Variants in SESN3 observed in about 807,000 individuals in gnomAD.
The protein encoded by SESN3 is sestrin-3.
Under a neutral mutation model 55.3 loss-of-function variants are expected in SESN3, and 21 were observed. The ratio of observed to expected loss-of-function variants is 0.38; its 90% CI spans 0.27 to 0.55. The LOEUF (loss-of-function observed/expected upper bound fraction) is 0.55. Among genes scored for constraint, SESN3 ranks in the 20% least tolerant of loss-of-function variants. The pLI, the probability that SESN3 is intolerant of heterozygous loss-of-function variation, is 0.76. For missense variants in SESN3, 408 were observed against 604.3 expected, an observed-to-expected ratio of 0.68 and a Z score of 3.41; for synonymous variants, 181 against 203.1, an observed-to-expected ratio of 0.89 and a Z score of 0.93.
intron 1 of SESN3, among the ~76,000 whole-genome samples, chr11:95,213,124 A>G (rs1054478751): frequency 1.3e-5 from 2 of 150,772 alleles, no homozygotes; most frequent in Non-Finnish European, 1.5e-5. Context: ...AAATGAAAAC[A>G]AAAATCTTCA....
intron 9 of SESN3, 60 bp downstream of exon 9, chr11:95,175,438 C>A: frequency 1.5e-6 from 2 of 1,367,986 alleles, no homozygotes; most frequent in Non-Finnish European, 1.0e-6. Context: ...TTTTTCATAA[C>A]TATTACTTCT....
chr11:95,191,304 T>C (rs1860263579), intron 3 of SESN3, 100 bp downstream of exon 3: 4 of 883,838 alleles, frequency 4.5e-6, no homozygotes, highest in Non-Finnish European at 7.4e-6. Context: ...CCATAAATTA[T>C]ACTTAGCTCT....
Position 95,173,032 on chromosome 11 carries a change from C to T in SESN3, c.*223G>A, listed in dbSNP as rs1859880739. The T allele has an allele frequency of 1.4e-5, 6 of 427,558 alleles. No individual in the cohort carries two copies. The highest frequency in any genetic ancestry group is 6.9e-5 in the Admixed American group (2 of 28,914). The allele number at this position is 427,558 out of a possible 1,614,324, so 26.5% of individuals were successfully genotyped here. ...CAACTACAAACAATGCAAAGTAGTG[C>T]TCCTCAGTATTATTTTTGCAATTGT... On this transcript the variant is annotated 3_prime_UTR_variant, in exon 10 of 10. Coordinates refer to ENST00000536441, the MANE Select transcript of SESN3 (RefSeq NM_144665.4).
In SESN3 at chr11:95,166,262, C is replaced by T. The variant is rs1565458205; in HGVS notation, c.*6993G>A. ...CTTACATTAGTCCAGTCACGTGCTT[C>T]GTAAAAAAAAAAAAAAAATTACAGT... is the stretch of plus-strand genomic sequence containing the variant. On this transcript the variant is annotated 3_prime_UTR_variant, in exon 10 of 10. Coordinates refer to ENST00000536441, the MANE Select transcript of SESN3 (RefSeq NM_144665.4). 1.5e-5 allele frequency: 2 copies of T among 132,058 alleles called. No individual in the cohort carries two copies. Among genetic ancestry groups the T allele is most frequent in the African/African-American group, 2.6e-5 (1 of 37,904 alleles). 8.2% of individuals were successfully genotyped at this position (132,058 alleles called of 1,614,324 possible).
At chr11:95,222,124 T>C (rs1860869063) in intron 1 of SESN3, among the ~76,000 whole-genome samples, 1 of 152,174 alleles carries the variant, frequency 6.6e-6, no homozygotes. Context: ...CCATCCCTTA[T>C]AAAACACTAA....
At position 95,185,292 on chromosome 11, in the gene SESN3, G is replaced by A. The variant is rs1860142648; in HGVS notation, c.726C>T (p.Asn242=). 1 of 1,612,236 alleles carries A rather than the reference G, an allele frequency of 6.2e-7. No individual in the cohort carries two copies. Among genetic ancestry groups the A allele is most frequent in the African/African-American group, 1.3e-5 (1 of 74,820 alleles). The part of the protein sequence containing the change: ...FCVCDLANDN[N]IENASLSGSN... ...TGCCTGAAAGAGATGCATTCTCTATGTTGTTGTCATTAGCAAGATCACAAA... is the reference window on the plus strand; with the variant it reads ...TGCCTGAAAGAGATGCATTCTCTATATTGTTGTCATTAGCAAGATCACAAA... Residue 242 remains asparagine (N), a synonymous_variant, in exon 5 of 10, where the codon AAC becomes AAT. Coordinates refer to ENST00000536441, the MANE Select transcript of SESN3 (RefSeq NM_144665.4).
chr11:95,215,452 G>C (rs926922067), intron 1 of SESN3, among the ~76,000 whole-genome samples: 2 of 152,254 alleles, frequency 1.3e-5, no homozygotes, highest in East Asian at 3.9e-4. Flanking sequence ...CTACGGTCTG[G>C]GGGAGGGGAA....
chr11:95,206,324 A>T (rs1860545015), intron 1 of SESN3, among the ~76,000 whole-genome samples: 1 of 151,520 alleles, frequency 6.6e-6, no homozygotes, highest in African/African-American at 2.4e-5. Flanking sequence ...TAACCACCTT[A>T]AAATGTTTTT....
Position 95,169,264 on chromosome 11 carries a change from G to A in SESN3, c.*3991C>T, listed in dbSNP as rs766263581. 1 of 152,160 alleles carries A rather than the reference G, an allele frequency of 6.6e-6. No individual in the cohort carries two copies. Among genetic ancestry groups the A allele is most frequent in the Non-Finnish European group, 1.5e-5 (1 of 68,024 alleles). 9.4% of individuals were successfully genotyped at this position (152,160 alleles called of 1,614,324 possible). ...TTTAATTTGATTCTCAGTCTCCAGA[G>A]GGATATAATAGGGAAACACAGTTTA... On this transcript the variant is annotated 3_prime_UTR_variant, in exon 10 of 10. Coordinates refer to ENST00000536441, the MANE Select transcript of SESN3 (RefSeq NM_144665.4).
At chr11:95,217,509 G>T (rs890761634) in intron 1 of SESN3, among the ~76,000 whole-genome samples, 2 of 151,870 alleles carry the variant, frequency 1.3e-5, no homozygotes, top group Non-Finnish European at 2.9e-5. Context: ...AAAATTAGCC[G>T]GGCACGGTGG....
rs1414625631 is a variant in SESN3 at position 95,177,860 on chromosome 11, G to A, written c.1106C>T (p.Ser369Phe). 1 of 1,604,574 alleles carries A rather than the reference G, an allele frequency of 6.2e-7. No individual in the cohort carries two copies. Among genetic ancestry groups the A allele is most frequent in the East Asian group, 2.3e-5 (1 of 44,160 alleles). Residue 369 changes from serine (S) to phenylalanine (F), a missense_variant, in exon 8 of 10, where the codon TCT becomes TTT. Ser to Phe is a radical substitution (Grantham distance 155). Coordinates refer to ENST00000536441, the MANE Select transcript of SESN3 (RefSeq NM_144665.4). Reference protein sequence around the residue: ...HGFSLVNRLYSDIGHLLDEKF... With the variant: ...HGFSLVNRLYFDIGHLLDEKF... ...TTCATCAAGAAGATGTCCAATGTCA[G>A]AATAAAGTCTGTTCACCAGGGAGAA...
intron 1 of SESN3, among the ~76,000 whole-genome samples, chr11:95,214,415 A>C (rs1052759700): frequency 6.6e-6 from 1 of 152,206 alleles, no homozygotes; most frequent in Non-Finnish European, 1.5e-5. Flanking sequence ...ACTGTCCTAG[A>C]TAGAACTGCA....
In SESN3 at chr11:95,166,336, T is replaced by C. The variant is rs1012156104; in HGVS notation, c.*6919A>G. ...CAAAACATCACAGCTTCTGATTACATTGAATAAAAAGTACCAAGAAACGCA... is the reference window on the plus strand; with the variant it reads ...CAAAACATCACAGCTTCTGATTACACTGAATAAAAAGTACCAAGAAACGCA... On this transcript the variant is annotated 3_prime_UTR_variant, in exon 10 of 10. Transcript: ENST00000536441. 1.3e-5 allele frequency: 2 copies of C among 151,550 alleles called. No individual in the cohort carries two copies. The highest frequency in any genetic ancestry group is 4.8e-5 in the African/African-American group (2 of 41,264). The allele number at this position is 151,550 out of a possible 1,614,324, so 9.4% of individuals were successfully genotyped here. A position where few individuals can be genotyped will look rare whatever the true frequency, so the allele number is the denominator to read the frequency against.
chr11:95,225,159 AC>A (rs570663137), intron 1 of SESN3, among the ~76,000 whole-genome samples: 1 of 152,232 alleles, frequency 6.6e-6, no homozygotes, highest in South Asian at 2.1e-4. Flanking sequence ...CCTGATTAAT[AC>A]TAAGGGGCTA....
At chr11:95,220,442 G>C (rs1261418002) in intron 1 of SESN3, among the ~76,000 whole-genome samples, 1 of 151,082 alleles carries the variant, frequency 6.6e-6, no homozygotes, top group Non-Finnish European at 1.5e-5. Context: ...TGGTAAGTTA[G>C]GAAAAAAAAA....
chr11:95,207,845 T>G (rs1565471986), intron 1 of SESN3, among the ~76,000 whole-genome samples: 1 of 151,252 alleles, frequency 6.6e-6, no homozygotes, highest in African/African-American at 2.4e-5. Context: ...TGTTTTGTTT[T>G]GTTTTTTTTG....
chr11:95,186,194 CTGTGTGTGTGTGTGTGTGTG>C (rs35466696), intron 4 of SESN3, among the ~76,000 whole-genome samples: 51 of 107,634 alleles, frequency 4.7e-4, no homozygotes, highest in Non-Finnish European at 6.5e-4. Context: ...CTATCTCTCA[CTGTGTGTGTGTGTGTGTGTG>C]TGTGTGTGTG....
intron 1 of SESN3, among the ~76,000 whole-genome samples, chr11:95,212,531 T>C (rs1206823419): frequency 6.6e-6 from 1 of 152,172 alleles, no homozygotes; most frequent in Non-Finnish European, 1.5e-5. Context: ...AGATTATATA[T>C]TTAAATTCCT....
chr11:95,227,846 A>T lies in SESN3; in HGVS notation c.78+2937T>A, dbSNP rs533330496. The stretch of plus-strand genomic sequence containing the variant: ...ATTATGTTCTTCTAGTTATCACTAG[A>T]ATTTCTTCAAGTAAAAGATTAAACT... On this transcript the variant is annotated intron_variant, in intron 1 of 9. Transcript: ENST00000536441. Among the ~76,000 whole-genome samples, 5 of 152,336 alleles carry T rather than the reference A, an allele frequency of 3.3e-5. No individual in the cohort carries two copies. In the South Asian group the frequency reaches 8.3e-4, roughly 25 times the overall value.
Sources: allele counts gnomAD v4.1 joint callset (sites outside exome capture counted in the v4.1 genomes callset), GRCh38; gene constraint gnomAD v4.1.1; transcripts MANE v1.5; gene names NCBI Gene and HGNC (gene_info 2026-07-23, HGNC 2026-07-21).